Variants in EPB41L4B observed in about 807,000 individuals in gnomAD.
EPB41L4B encodes the protein erythrocyte membrane protein band 4.1 like 4B.
In EPB41L4B, 30 loss-of-function variants were observed where a neutral mutation model predicts 112.5. That is an observed-to-expected ratio of 0.27 (90% CI 0.20 to 0.36). EPB41L4B has a LOEUF of 0.36. Among genes scored for constraint, EPB41L4B ranks in the 10% least tolerant of loss-of-function variants. EPB41L4B has a pLI of 1.00. For synonymous variants in EPB41L4B, 408 were observed against 439.7 expected, an observed-to-expected ratio of 0.93 and a Z score of 0.90; for missense variants, 1,024 against 1,133.3, an observed-to-expected ratio of 0.90 and a Z score of 1.38.
At position 109,182,766 on chromosome 9, in the gene EPB41L4B, G is replaced by C; in HGVS notation, c.2450C>G (p.Pro817Arg). ...IKTFPVDTMN[P>R]FPDTFTTGPQ... is the part of the protein sequence containing the mutation. ...CCCTGTGGTGAAAGTATCAGGAAAC[G>C]GGTTCATTGTATCAACCGGGAATGT... The change falls in exon 24 of 26, where the codon CCG becomes CGG. Residue 817 changes from proline to arginine, a missense_variant. Coordinates refer to ENST00000374566, the MANE Select transcript of EPB41L4B (RefSeq NM_019114.5). The C allele has an allele frequency of 1.2e-6, 2 of 1,612,894 alleles. No homozygotes were observed. The highest frequency in any genetic ancestry group is 1.7e-6 in the Non-Finnish European group (2 of 1,178,890).
chr9:109,221,160 T>C (rs945666933), intron 15 of EPB41L4B, among the ~76,000 whole-genome samples: 1 of 152,188 alleles, frequency 6.6e-6, no homozygotes, highest in Non-Finnish European at 1.5e-5. Context: ...AGATTCCCTT[T>C]TAAAAACATG....
At chr9:109,222,608 A>T (rs2118864310) in intron 15 of EPB41L4B, among the ~76,000 whole-genome samples, 1 of 152,364 alleles carries the variant, frequency 6.6e-6, no homozygotes, top group South Asian at 2.1e-4. Context: ...CAACATCACC[A>T]GAGACTGAGG....
intron 17 of EPB41L4B, among the ~76,000 whole-genome samples, chr9:109,212,016 G>A (rs1015674155): frequency 4.6e-5 from 7 of 151,986 alleles, no homozygotes; most frequent in Non-Finnish European, 7.4e-5. Context: ...CACCATGCCA[G>A]GCCAATTTCT....
At chr9:109,225,531 G>A (rs1443239002) in intron 15 of EPB41L4B, among the ~76,000 whole-genome samples, 1 of 152,182 alleles carries the variant, frequency 6.6e-6, no homozygotes, top group South Asian at 2.1e-4. Context: ...CGAATCTCAT[G>A]AGACTTATTC....
At chr9:109,254,326 A>G (rs960539125) in intron 11 of EPB41L4B, among the ~76,000 whole-genome samples, 4 of 152,216 alleles carry the variant, frequency 2.6e-5, no homozygotes, top group African/African-American at 4.8e-5. Context: ...TAACCTCTGC[A>G]TCCTCCACAG....
Position 109,192,313 on chromosome 9 carries a change from C to T in EPB41L4B, c.2266G>A (p.Asp756Asn). Reference protein sequence around the residue: ...RGGAFTLEPGDLLMDFTEATP... With the variant: ...RGGAFTLEPGNLLMDFTEATP... ...GCTTCTGTGAAATCCATCAGAAGATCACCCGGCTCCAGGGTAAAGGCACCT... is the reference window on the plus strand; with the variant it reads ...GCTTCTGTGAAATCCATCAGAAGATTACCCGGCTCCAGGGTAAAGGCACCT... The change falls in exon 22 of 26, where the codon GAT becomes AAT. Residue 756 changes from aspartate to asparagine, a missense_variant. Asp to Asn is a conservative substitution (Grantham distance 23, BLOSUM62 1). Coordinates refer to ENST00000374566, the MANE Select transcript of EPB41L4B (RefSeq NM_019114.5). 1 of 1,612,300 alleles carries T rather than the reference C, an allele frequency of 6.2e-7. No homozygotes were observed. Among genetic ancestry groups the T allele is most frequent in the Non-Finnish European group, 8.5e-7 (1 of 1,179,270 alleles).
Position 109,194,208 on chromosome 9 carries a change from AC to A in EPB41L4B, c.2223+11del. On this transcript the variant is annotated intron_variant, in intron 21 of 25. Coordinates refer to ENST00000374566, the MANE Select transcript of EPB41L4B (RefSeq NM_019114.5). ...GTGTGGCTGCTCGCCAGGGCTTTCC[AC>A]CCCCCAATACCTTGGCCCCAGGGGA... The A allele has an allele frequency of 1.2e-6, 2 of 1,605,584 alleles. No homozygotes were observed. Among genetic ancestry groups the A allele is most frequent in the Non-Finnish European group, 8.5e-7 (1 of 1,174,190 alleles).
intron 15 of EPB41L4B, among the ~76,000 whole-genome samples, chr9:109,234,505 G>T (rs576034585): frequency 1.3e-5 from 2 of 152,304 alleles, no homozygotes; most frequent in South Asian, 4.1e-4. Context: ...TAAGAAGGTG[G>T]AAAGGAAAAG....
At chr9:109,310,331 G>A (rs1042860409) in intron 1 of EPB41L4B, among the ~76,000 whole-genome samples, 5 of 141,994 alleles carry the variant, frequency 3.5e-5, no homozygotes, top group African/African-American at 1.0e-4. Flanking sequence ...AGGGATGAAA[G>A]ACAAACTTCA....
At chr9:109,227,174 T>A (rs1833812371) in intron 15 of EPB41L4B, among the ~76,000 whole-genome samples, 1 of 152,058 alleles carries the variant, frequency 6.6e-6, no homozygotes, top group South Asian at 2.1e-4. Context: ...TCTAATCCTA[T>A]ATCAGACTGT....
chr9:109,186,335 G>A (rs2118645716), intron 22 of EPB41L4B, among the ~76,000 whole-genome samples: 1 of 151,994 alleles, frequency 6.6e-6, no homozygotes, highest in Non-Finnish European at 1.5e-5. Context: ...CTACAGGTAT[G>A]CACCACCATG....
Position 109,243,600 on chromosome 9 carries a change from G to A in EPB41L4B, c.1409+18C>T. On this transcript the variant is annotated intron_variant, in intron 15 of 25. Coordinates refer to ENST00000374566, the MANE Select transcript of EPB41L4B (RefSeq NM_019114.5). ...GGAAAGCTTTCGAAGGTGCAGCTCT[G>A]GAAGCACCAGCACTTACCTGACATT... 6.2e-7 allele frequency: 1 copy of A among 1,613,310 alleles called. No individual in the cohort carries two copies. The highest frequency in any genetic ancestry group is 8.5e-7 in the Non-Finnish European group (1 of 1,179,294).
intron 1 of EPB41L4B, among the ~76,000 whole-genome samples, chr9:109,292,397 G>C (rs1836567661): frequency 6.6e-6 from 1 of 152,178 alleles, no homozygotes; most frequent in Non-Finnish European, 1.5e-5. Flanking sequence ...AGGTCCACTG[G>C]ACAAACTTCT....
chr9:109,295,219 C>T (rs560352203), intron 1 of EPB41L4B, among the ~76,000 whole-genome samples: 1 of 152,244 alleles, frequency 6.6e-6, no homozygotes, highest in South Asian at 2.1e-4. Flanking sequence ...GACACCACGT[C>T]CTTTTACAGC....
intron 11 of EPB41L4B, among the ~76,000 whole-genome samples, chr9:109,254,237 G>A (rs558513668): frequency 6.6e-6 from 1 of 152,192 alleles, no homozygotes; most frequent in Admixed American, 6.5e-5. Context: ...AGAAAAGCCT[G>A]CCTTGGCAAC....
In EPB41L4B at chr9:109,186,142, A is replaced by G. The variant is rs571404037; in HGVS notation, c.2302-537T>C. On this transcript the variant is annotated intron_variant, in intron 22 of 25. Coordinates refer to ENST00000374566, the MANE Select transcript of EPB41L4B (RefSeq NM_019114.5). ...TGTGGTATGTCAGTGAGTGGATATC[A>G]ACAGAGGGCACCAGGAAAGAAATAT... Among the ~76,000 whole-genome samples the G allele has an allele frequency of 2.0e-5, 3 of 152,166 alleles. No homozygotes were observed. The East Asian group carries it at 5.8e-4, about 29-fold the overall frequency.
At chr9:109,240,872 T>C in intron 15 of EPB41L4B, 1 of 985,454 alleles carries the variant, frequency 1.0e-6, no homozygotes, top group Non-Finnish European at 1.2e-6. Context: ...CATTAAGACA[T>C]TAAAAATTAT....
chr9:109,243,272 C>T (rs1005229052), intron 15 of EPB41L4B, among the ~76,000 whole-genome samples: 6 of 149,364 alleles, frequency 4.0e-5, no homozygotes, highest in Admixed American at 2.0e-4. Context: ...CAACAAAATC[C>T]CCAAGCTTTC....
intron 1 of EPB41L4B, among the ~76,000 whole-genome samples, chr9:109,309,500 G>A (rs1837335676): frequency 6.6e-6 from 1 of 152,178 alleles, no homozygotes; most frequent in South Asian, 2.1e-4. Context: ...ATCTCATGGA[G>A]TCCAGAGGCC....
Sources: gnomAD v4.1 joint callset for allele counts (sites outside exome capture counted in the v4.1 genomes callset) on GRCh38, gnomAD v4.1.1 for gene constraint, MANE v1.5 for transcripts, NCBI Gene and HGNC (gene_info 2026-07-23, HGNC 2026-07-21) for gene names.